Variants in TTLL8 observed in about 807,000 individuals in gnomAD.
The protein encoded by TTLL8 is protein monoglycylase TTLL8.
A neutral mutation model predicts 77.8 loss-of-function variants in TTLL8; 65 were observed. That is an observed-to-expected ratio of 0.84 (90% CI 0.68 to 1.03). TTLL8 has a LOEUF of 1.03. TTLL8 is among the 50% of genes least tolerant of loss of function. The pLI, the probability that TTLL8 is intolerant of heterozygous loss-of-function variation, is 0.00. For missense variants in TTLL8, 910 were observed against 1,004.5 expected (o/e 0.91, Z 1.27); for synonymous variants, 402 against 422.8 (o/e 0.95, Z 0.60).
intron 12 of TTLL8, 23 bp downstream of exon 13, chr22:50,030,407 G>A (rs1372257405): frequency 1.5e-6 from 2 of 1,298,086 alleles, no homozygotes; most frequent in South Asian, 1.3e-5. Flanking sequence ...AGCCCACAGC[G>A]CACCGCCGGC....
chr22:50,030,273 C>T (rs1186994112), intron 12 of TTLL8, 157 bp downstream of exon 13: 9 of 985,370 alleles, frequency 9.1e-6, no homozygotes, highest in Non-Finnish European at 1.1e-5. Flanking sequence ...CCCCGCTCCC[C>T]GGCTCCCGCC....
chr22:50,025,280 C>A (rs1473789685), intron 12 of TTLL8, among the ~76,000 whole-genome samples: 24 of 126,112 alleles, frequency 1.9e-4, no homozygotes, highest in East Asian at 2.3e-4. Context: ...GCAAAAACTC[C>A]AAAAAAAAAA....
At chr22:50,030,972 G>T (rs758941716) in intron 11 of TTLL8, 47 bp from the exon 13 acceptor site, 1 of 1,294,614 alleles carries the variant, frequency 7.7e-7, no homozygotes, top group Non-Finnish European at 1.0e-6. Context: ...GCCGGGATAG[G>T]GGGGGTCCCT....
intron 12 of TTLL8, among the ~76,000 whole-genome samples, chr22:50,025,786 G>T (rs1004947845): frequency 6.6e-6 from 1 of 152,148 alleles, no homozygotes; most frequent in African/African-American, 2.4e-5. Context: ...AATGAACAAA[G>T]TGCTCAGCAT....
upstream of TTLL8, chr22:50,056,896 A>G: frequency 7.8e-7 from 1 of 1,289,638 alleles, no homozygotes; most frequent in South Asian, 1.2e-5. The surrounding 1 kb of genome is among the most constrained non-coding windows in gnomAD (Gnocchi z 4.1). Flanking sequence ...TCTCCATCTG[A>G]AGAAGAAGCC....
chr22:50,021,464 G>A (rs1356102324), intron 12 of TTLL8, among the ~76,000 whole-genome samples: 13 of 140,904 alleles, frequency 9.2e-5, no homozygotes, highest in Admixed American at 1.4e-4. Flanking sequence ...TCCATGTGAC[G>A]ACGTGCACTC....
At chr22:50,033,414 G>A (rs776039154) in exon 10 of TTLL8, 1 of 1,365,204 alleles carries the variant, frequency 7.3e-7, no homozygotes, top group Non-Finnish European at 9.8e-7. Flanking sequence ...CCAGCTCCAG[G>A]ATCTCCTCCA....
chr22:50,037,730 C>G (rs2061346363), intron 8 of TTLL8, among the ~76,000 whole-genome samples: 1 of 152,180 alleles, frequency 6.6e-6, no homozygotes, highest in South Asian at 2.1e-4. Context: ...TTCTCTTACA[C>G]TGATCCTATC....
At chr22:50,047,116 C>T in intron 4 of TTLL8, 52 bp downstream of exon 6, 2 of 1,358,008 alleles carry the variant, frequency 1.5e-6, no homozygotes, top group Non-Finnish European at 2.0e-6. Flanking sequence ...TGCAGAAGCT[C>T]CTCCCCACCA....
chr22:50,042,405 G>A (rs2061377652), intron 6 of TTLL8, among the ~76,000 whole-genome samples: 1 of 152,080 alleles, frequency 6.6e-6, no homozygotes, highest in Non-Finnish European at 1.5e-5. Flanking sequence ...CCGCCTCCTG[G>A]GTTCAAGTGA....
At chr22:50,042,642 A>C (rs1020568984) in intron 6 of TTLL8, among the ~76,000 whole-genome samples, 2 of 152,172 alleles carry the variant, frequency 1.3e-5, no homozygotes, top group Admixed American at 1.3e-4. Flanking sequence ...TTCATAAGGA[A>C]ATGGAGGCTA....
At chr22:50,056,119 T>C (rs1381506810), upstream of TTLL8, among the ~76,000 whole-genome samples, 1 of 151,942 alleles carries the variant, frequency 6.6e-6, no homozygotes, top group East Asian at 1.9e-4. This position sits in a 1 kb window ranked among gnomAD's most constrained non-coding sequence, Gnocchi z 4.1. Flanking sequence ...AATTAAGAAG[T>C]TCTGATTATC....
At position 50,030,423 on chromosome 22, in the gene TTLL8, A is replaced by G; in HGVS notation, c.2203+7T>C. On this transcript the variant is annotated splice_region_variant and intron_variant, in intron 12 of 13. Transcript: ENST00000266182. ...GCCCACAGCGCACCGCCGGCGGCGC[A>G]GGTTACCTTTTCCTCCGGGCGGCGG... 7.6e-7 allele frequency: 1 copy of G among 1,318,608 alleles called. No homozygotes were observed. 81.7% of individuals were successfully genotyped at this position (1,318,608 alleles called of 1,614,324 possible).
chr22:50,057,444 G>T (rs369085292), upstream of TTLL8, among the ~76,000 whole-genome samples: 2,177 of 63,850 alleles, frequency 0.034, 2 homozygotes, highest in East Asian at 0.11. Flanking sequence ...GTCTGGGTTG[G>T]GGGTCAGGTC....
exon 3 of TTLL8, chr22:50,049,312 A>C (rs777393871): frequency 1.5e-6 from 2 of 1,367,582 alleles, no homozygotes; most frequent in Non-Finnish European, 2.0e-6. Flanking sequence ...TGACTTTGGC[A>C]CATGTATCAT....
At chr22:50,033,543 C>A (rs2061314372) in intron 9 of TTLL8, 98 bp from the exon 11 acceptor site, 7 of 1,112,238 alleles carry the variant, frequency 6.3e-6, no homozygotes, top group Middle Eastern at 2.6e-4. Context: ...GGCCCTGAGA[C>A]CTGCACTGGC....
chr22:50,048,414 A>G (rs914912724), intron 3 of TTLL8, among the ~76,000 whole-genome samples: 1 of 152,098 alleles, frequency 6.6e-6, no homozygotes, highest in Non-Finnish European at 1.5e-5. Context: ...GAGGCCCCAG[A>G]AAAACCCTCG....
intron 12 of TTLL8, among the ~76,000 whole-genome samples, chr22:50,028,376 T>C (rs922273794): frequency 1.3e-5 from 2 of 152,198 alleles, no homozygotes; most frequent in African/African-American, 2.4e-5. Context: ...TGGGGAGTCA[T>C]TGGTGTCTGG....
chr22:50,046,440 A>G (rs1376568071), intron 4 of TTLL8, among the ~76,000 whole-genome samples: 1 of 152,140 alleles, frequency 6.6e-6, no homozygotes, highest in Non-Finnish European at 1.5e-5. Flanking sequence ...AAGTCCCCGC[A>G]CCCCGATGTC....
Sources: gnomAD v4.1 joint callset for allele counts (sites outside exome capture counted in the v4.1 genomes callset) on GRCh38, gnomAD v4.1.1 for gene constraint, Gnocchi (gnomAD v3.1) non-coding constraint, MANE v1.5 for transcripts, NCBI Gene and HGNC (gene_info 2026-07-23, HGNC 2026-07-21) for gene names.